Variants in DYRK1A observed in about 807,000 individuals in gnomAD.
DYRK1A encodes dual specificity tyrosine phosphorylation regulated kinase 1A, also known as dual specificity tyrosine-phosphorylation-regulated kinase 1A.
Under a neutral mutation model 79.7 loss-of-function variants are expected in DYRK1A, and 9 were observed. That is an observed-to-expected ratio of 0.11 (90% CI 0.07 to 0.20). The LOEUF is 0.20. Among genes scored for constraint, DYRK1A ranks in the 10% least tolerant of loss-of-function variants. The pLI is 1.00. For synonymous variants in DYRK1A, 349 were observed against 329.7 expected (o/e 1.06, Z -0.63); for missense variants, 622 against 956.0 (o/e 0.65, Z 4.61).
chr21:37,516,425 A>G lies in DYRK1A; in HGVS notation c.*3894A>G, dbSNP rs757157427. On this transcript the variant is annotated 3_prime_UTR_variant, in exon 12 of 12. Transcript: ENST00000647188. ...TTTTCATAACCCTGGTTTCTTATCT[A>G]GGCCTGTTTCCTTGCGTGAAAACAT... is the stretch of plus-strand genomic sequence containing the variant. The G allele has an allele frequency of 6.6e-6, 1 of 152,198 alleles. No individual in the cohort carries two copies. The highest frequency in any genetic ancestry group is 1.5e-5 in the Non-Finnish European group (1 of 68,034). 9.4% of individuals were successfully genotyped at this position (152,198 alleles called of 1,614,324 possible).
chr21:37,481,036 G>A, intron 5 of DYRK1A: 2 of 456,582 alleles, frequency 4.4e-6, no homozygotes, highest in Non-Finnish European at 7.6e-6. Context: ...AAACTTTTAT[G>A]GCTACCAAGT....
intron 2 of DYRK1A, among the ~76,000 whole-genome samples, chr21:37,441,885 A>AC (rs1195565315): frequency 2.0e-5 from 3 of 150,774 alleles, no homozygotes; most frequent in African/African-American, 7.3e-5. Flanking sequence ...TATTTCTATT[A>AC]ACATTTTTTG....
intron 11 of DYRK1A, among the ~76,000 whole-genome samples, chr21:37,508,551 T>C (rs762058449): frequency 1.7e-4 from 26 of 152,214 alleles, no homozygotes; most frequent in Non-Finnish European, 2.1e-4. Context: ...CCTCCCAAAG[T>C]GTGGGGATTA....
intron 1 of DYRK1A, chr21:37,375,232 A>C (rs2049513787): frequency 6.6e-6 from 1 of 152,222 alleles, no homozygotes; most frequent in African/African-American, 2.4e-5. Flanking sequence ...TGAATGTTTA[A>C]AGGTTAAGTG....
chr21:37,401,519 G>C (rs924886539), intron 1 of DYRK1A, among the ~76,000 whole-genome samples: 3 of 128,404 alleles, frequency 2.3e-5, no homozygotes, highest in Non-Finnish European at 3.2e-5. Context: ...TTTCGCTCTT[G>C]TTGCCCAGGC....
intron 1 of DYRK1A, among the ~76,000 whole-genome samples, chr21:37,389,444 G>T (rs376224742): frequency 6.6e-6 from 1 of 152,192 alleles, no homozygotes; most frequent in Non-Finnish European, 1.5e-5. Context: ...TGGAATACAG[G>T]TGTGAGCTAC....
chr21:37,514,346 T>G lies in DYRK1A; in HGVS notation c.*1815T>G, dbSNP rs2053840730. ...CATTTTAAATTGACCAATTTTGGGG[T>G]GTGACACTTTTGAGCGGTTGAATTG... On this transcript the variant is annotated 3_prime_UTR_variant, in exon 12 of 12. Coordinates refer to ENST00000647188, the MANE Select transcript of DYRK1A (RefSeq NM_001347721.2). 2.0e-5 allele frequency: 3 copies of G among 152,606 alleles called. No individual in the cohort carries two copies. Among genetic ancestry groups the G allele is most frequent in the South Asian group, 4.1e-4 (2 of 4,830 alleles). 9.5% of individuals were successfully genotyped at this position (152,606 alleles called of 1,614,324 possible). A position where few individuals can be genotyped will look rare whatever the true frequency, so the allele number is the denominator to read the frequency against.
chr21:37,374,408 C>T (rs527503851), intron 1 of DYRK1A, among the ~76,000 whole-genome samples: 2 of 151,096 alleles, frequency 1.3e-5, no homozygotes, highest in African/African-American at 2.4e-5. Flanking sequence ...CTAAGATTCC[C>T]TTAAACTATG....
intron 2 of DYRK1A, among the ~76,000 whole-genome samples, chr21:37,444,110 C>T (rs760220273): frequency 3.9e-5 from 6 of 152,146 alleles, no homozygotes; most frequent in African/African-American, 7.2e-5. Flanking sequence ...TTAAAAGCCA[C>T]CTGCTGATGA....
chr21:37,454,708 A>G (rs954428574), intron 2 of DYRK1A, among the ~76,000 whole-genome samples: 6 of 152,318 alleles, frequency 3.9e-5, no homozygotes, highest in Admixed American at 3.9e-4. Flanking sequence ...TAAAATATCC[A>G]GTTATAGTAT....
At chr21:37,386,820 G>A (rs545497188) in intron 1 of DYRK1A, among the ~76,000 whole-genome samples, 9 of 152,260 alleles carry the variant, frequency 5.9e-5, no homozygotes, top group African/African-American at 2.2e-4. Context: ...GATGGTTGCG[G>A]CAGTGTCAGG....
chr21:37,378,600 T>G (rs1413346276), intron 1 of DYRK1A, among the ~76,000 whole-genome samples: 1 of 152,226 alleles, frequency 6.6e-6, no homozygotes, highest in African/African-American at 2.4e-5. Flanking sequence ...GAATAACTGA[T>G]GTTTTGATAA....
At position 37,519,506 on chromosome 21, in the gene DYRK1A, A is replaced by C. The variant is rs1044916384; in HGVS notation, c.*6975A>C. On this transcript the variant is annotated 3_prime_UTR_variant, in exon 12 of 12. Coordinates refer to ENST00000647188, the MANE Select transcript of DYRK1A (RefSeq NM_001347721.2). ...GTCCGATAAATATAATATGCGGCTA[A>C]ACAGCGGAGTCCACAGCCTGAATGG... 1 of 152,222 alleles carries C rather than the reference A, an allele frequency of 6.6e-6. No individual in the cohort carries two copies. The highest frequency in any genetic ancestry group is 1.5e-5 in the Non-Finnish European group (1 of 68,044). 9.4% of individuals were successfully genotyped at this position (152,222 alleles called of 1,614,324 possible). A position where few individuals can be genotyped will look rare whatever the true frequency, so the allele number is the denominator to read the frequency against.
At chr21:37,396,875 A>G (rs746967238) in intron 1 of DYRK1A, among the ~76,000 whole-genome samples, 15 of 152,136 alleles carry the variant, frequency 9.9e-5, no homozygotes, top group Non-Finnish European at 1.8e-4. Flanking sequence ...AGTTCCAGCA[A>G]TTTGATGGCT....
At chr21:37,375,783 A>T (rs2049526724) in intron 1 of DYRK1A, among the ~76,000 whole-genome samples, 1 of 152,042 alleles carries the variant, frequency 6.6e-6, no homozygotes, top group Admixed American at 6.6e-5. Flanking sequence ...TGTTGAGATT[A>T]TAGGTGTGAG....
intron 1 of DYRK1A, among the ~76,000 whole-genome samples, chr21:37,387,972 CTCA>C (rs1215011110): frequency 4.6e-5 from 7 of 152,198 alleles, no homozygotes; most frequent in African/African-American, 1.7e-4. Flanking sequence ...GCTCCTTGTA[CTCA>C]TCATTCAAAT....
chr21:37,418,763 T>A (rs1569305643), intron 1 of DYRK1A: 1 of 152,208 alleles, frequency 6.6e-6, no homozygotes, highest in Non-Finnish European at 1.5e-5. Context: ...CATCTAGTCA[T>A]ACACCCCCCA....
chr21:37,384,286 A>C (rs755282661), intron 1 of DYRK1A, among the ~76,000 whole-genome samples: 1 of 152,174 alleles, frequency 6.6e-6, no homozygotes, highest in Non-Finnish European at 1.5e-5. Flanking sequence ...TTGATTGTAC[A>C]TGTATAAGGT....
At chr21:37,440,225 C>T (rs13051471) in intron 2 of DYRK1A, among the ~76,000 whole-genome samples, 6,347 of 139,470 alleles carry the variant, frequency 0.046, 183 homozygotes, top group Middle Eastern at 0.1. Flanking sequence ...AACCTCCGCC[C>T]CCTGGGTTCA....
Sources: allele counts gnomAD v4.1 joint callset (sites outside exome capture counted in the v4.1 genomes callset), GRCh38; gene constraint gnomAD v4.1.1; transcripts MANE v1.5; gene names NCBI Gene and HGNC (gene_info 2026-07-23, HGNC 2026-07-21).